RAP1GAP2: variants seen among roughly 807,000 people sequenced by gnomAD.
RAP1GAP2 encodes RAP1 GTPase activating protein 2, also known as rap1 GTPase-activating protein 2.
A neutral mutation model predicts 95.0 loss-of-function variants in RAP1GAP2; 27 were observed. That is an observed-to-expected ratio of 0.28 (90% CI 0.21 to 0.39). The LOEUF is 0.39. RAP1GAP2 is among the 10% of genes least tolerant of loss of function. The pLI, the probability that RAP1GAP2 is intolerant of heterozygous loss-of-function variation, is 1.00. For synonymous variants in RAP1GAP2, 373 were observed against 380.9 expected (o/e 0.98, Z 0.24); for missense variants, 771 against 970.0 (o/e 0.79, Z 2.72).
chr17:2,907,534 A>G (rs1306765967), intron 3 of RAP1GAP2, among the ~76,000 whole-genome samples: 1 of 152,126 alleles, frequency 6.6e-6, no homozygotes, highest in Non-Finnish European at 1.5e-5. Context: ...GAAGCACAGC[A>G]TAGCTCAGGG....
chr17:2,986,746 T>A (rs1314060917), intron 11 of RAP1GAP2, among the ~76,000 whole-genome samples: 1 of 152,098 alleles, frequency 6.6e-6, no homozygotes. Flanking sequence ...GAGTGCACAG[T>A]CCAGCTCAAG....
chr17:2,889,170 A>G (rs2073605078), intron 2 of RAP1GAP2, among the ~76,000 whole-genome samples: 1 of 152,092 alleles, frequency 6.6e-6, no homozygotes, highest in Non-Finnish European at 1.5e-5. Context: ...TGTGTTCCAT[A>G]GTGGCTGTGC....
At position 3,005,673 on chromosome 17, in the gene RAP1GAP2, T is replaced by G. The variant is rs1004979492; in HGVS notation, c.1272+233T>G. 6.6e-6 allele frequency among the ~76,000 whole-genome samples: 1 copy of G among 152,146 alleles called. No individual in the cohort carries two copies. Among genetic ancestry groups the G allele is most frequent in the African/African-American group, 2.4e-5 (1 of 41,438 alleles). ...TTTGACACTGGGGTTGCTTTTCTGC[T>G]GAAAGACGGGCTTTTATGTTGAGCC... On this transcript the variant is annotated intron_variant, in intron 15 of 24. Coordinates refer to ENST00000254695, the MANE Select transcript of RAP1GAP2 (RefSeq NM_015085.5). The surrounding 1 kb of genome is among the most constrained non-coding windows in gnomAD (Gnocchi z 5.2).
At position 2,984,922 on chromosome 17, in the gene RAP1GAP2, T is replaced by C. The variant is rs961632227; in HGVS notation, c.730-61T>C. ...AATGGATGCTTCCCCTGCCATGTGCTTCCTCACTTGCTTCCAAATTTAACA... is the reference window on the plus strand; with the variant it reads ...AATGGATGCTTCCCCTGCCATGTGCCTCCTCACTTGCTTCCAAATTTAACA... On this transcript the variant is annotated intron_variant, in intron 10 of 24. Transcript: ENST00000254695. The C allele has an allele frequency of 2.5e-6, 4 of 1,595,790 alleles. 1 individual carries two copies. The highest frequency in any genetic ancestry group is 3.4e-5 in the Admixed American group (2 of 58,368).
At chr17:2,812,828 A>C (rs766162538) in intron 2 of RAP1GAP2, among the ~76,000 whole-genome samples, 3 of 151,880 alleles carry the variant, frequency 2.0e-5, no homozygotes, top group Non-Finnish European at 2.9e-5. Context: ...TGTCTCTACT[A>C]AAAATACAAA....
chr17:2,793,075 G>C (rs2068969683), upstream of RAP1GAP2, among the ~76,000 whole-genome samples: 1 of 151,948 alleles, frequency 6.6e-6, no homozygotes, highest in Non-Finnish European at 1.5e-5. Context: ...GTATGAAAGC[G>C]CATCAACGTA....
At chr17:2,888,705 G>A (rs992526310) in intron 2 of RAP1GAP2, among the ~76,000 whole-genome samples, 4 of 142,338 alleles carry the variant, frequency 2.8e-5, no homozygotes, top group Non-Finnish European at 4.5e-5. Context: ...AGGCTGGAGC[G>A]TATTGGTGCG....
intron 17 of RAP1GAP2, among the ~76,000 whole-genome samples, chr17:3,016,592 T>C (rs4536505): frequency 0.69 from 104,819 of 152,124 alleles, 36,572 homozygotes; most frequent in Non-Finnish European, 0.75. Context: ...GCAGAGGCCA[T>C]GTCCTACACA....
rs894647573 is a variant in RAP1GAP2 at position 2,857,431 on chromosome 17, A to G, written c.81-47853A>G. On this transcript the variant is annotated intron_variant, in intron 2 of 24. Transcript: ENST00000254695. This position sits in a 1 kb window ranked among gnomAD's most constrained non-coding sequence, Gnocchi z 4.0. ...CTCCCAGCTAGTCTTGGTAGTTCCC[A>G]AGAACTGTGCTCCAGGCTCCAACTT... Among the ~76,000 whole-genome samples, 7 of 152,192 alleles carry G rather than the reference A, an allele frequency of 4.6e-5. No homozygotes were observed. The highest frequency in any genetic ancestry group is 1.4e-4 in the African/African-American group (6 of 41,446).
rs542993763 is a variant in RAP1GAP2, at chr17:3,021,118, A to G, written c.1751+523A>G. On this transcript the variant is annotated intron_variant, in intron 19 of 24. Coordinates refer to ENST00000254695, the MANE Select transcript of RAP1GAP2 (RefSeq NM_015085.5). Reference sequence around the variant, plus strand: ...GTGTGATATTTTGATAAAATGCATAATGATCAAATCAAGGTAAGAGAAATA... The same window carrying G: ...GTGTGATATTTTGATAAAATGCATAGTGATCAAATCAAGGTAAGAGAAATA... 2.0e-5 allele frequency among the ~76,000 whole-genome samples: 3 copies of G among 152,340 alleles called. No homozygotes were observed. In the East Asian group the frequency reaches 5.8e-4, roughly 29 times the overall value.
At chr17:2,843,461 A>G (rs2071451097) in intron 2 of RAP1GAP2, among the ~76,000 whole-genome samples, 1 of 151,424 alleles carries the variant, frequency 6.6e-6, no homozygotes, top group African/African-American at 2.4e-5. Context: ...ACTTTTTTGT[A>G]TTTTTAGTAG....
intron 22 of RAP1GAP2, among the ~76,000 whole-genome samples, chr17:3,030,320 G>A (rs1034417064): frequency 1.3e-5 from 2 of 152,050 alleles, no homozygotes; most frequent in African/African-American, 2.4e-5. Context: ...TATTTCCTCA[G>A]TTTTCTTTTG....
intron 8 of RAP1GAP2, among the ~76,000 whole-genome samples, chr17:2,971,912 G>C (rs1456116383): frequency 6.6e-6 from 1 of 152,124 alleles, no homozygotes; most frequent in African/African-American, 2.4e-5. Context: ...CAATAAGATA[G>C]GTAACTAGCT....
intron 2 of RAP1GAP2, among the ~76,000 whole-genome samples, chr17:2,837,459 A>G (rs1273593390): frequency 6.6e-6 from 1 of 151,868 alleles, no homozygotes; most frequent in African/African-American, 2.4e-5. Flanking sequence ...GCAGGCAGAA[A>G]GGCATATTCC....
At chr17:2,991,042 A>C (rs1249177071) in intron 11 of RAP1GAP2, among the ~76,000 whole-genome samples, 1 of 151,740 alleles carries the variant, frequency 6.6e-6, no homozygotes, top group Non-Finnish European at 1.5e-5. Context: ...ACAAGGTTTC[A>C]CCATGTTGGC....
At chr17:2,894,860 C>T (rs1249316087) in intron 2 of RAP1GAP2, among the ~76,000 whole-genome samples, 2 of 152,190 alleles carry the variant, frequency 1.3e-5, no homozygotes, top group Non-Finnish European at 2.9e-5. Flanking sequence ...GGCCCCGTTT[C>T]GGTCTTCCCC....
At chr17:2,769,414 G>T (rs2068345998) in intron 1 of RAP1GAP2, among the ~76,000 whole-genome samples, 1 of 151,470 alleles carries the variant, frequency 6.6e-6, no homozygotes, top group South Asian at 2.1e-4. Flanking sequence ...AATTAGCCGG[G>T]CGTGGCGGTG....
At chr17:2,803,156 C>T (rs575770067) in intron 2 of RAP1GAP2, among the ~76,000 whole-genome samples, 71 of 152,194 alleles carry the variant, frequency 4.7e-4, no homozygotes, top group Non-Finnish European at 7.8e-4. Flanking sequence ...TGGAAGTGCA[C>T]CAGTTATAGG....
chr17:2,833,448 T>C (rs2070988926), intron 2 of RAP1GAP2, among the ~76,000 whole-genome samples: 1 of 152,012 alleles, frequency 6.6e-6, no homozygotes, highest in African/African-American at 2.4e-5. Flanking sequence ...GTTCTTGGTA[T>C]GTTTTTACTC....
Sources: allele counts gnomAD v4.1 joint callset (sites outside exome capture counted in the v4.1 genomes callset), GRCh38; gene constraint gnomAD v4.1.1; non-coding constraint Gnocchi (gnomAD v3.1); transcripts MANE v1.5; gene names NCBI Gene and HGNC (gene_info 2026-07-23, HGNC 2026-07-21).